The following MCF2L2 variants were observed in gnomAD, a reference collection of about 807,000 sequenced individuals.
The protein encoded by MCF2L2 is probable guanine nucleotide exchange factor MCF2L2.
A neutral mutation model predicts 150.2 loss-of-function variants in MCF2L2; 102 were observed. The observed-to-expected ratio is 0.68, with a 90% CI of 0.58 to 0.80. The LOEUF (loss-of-function observed/expected upper bound fraction) is 0.80, where lower values mean the gene tolerates loss of function less well. Ranked by LOEUF, MCF2L2 falls within the 30% of genes least tolerant of loss-of-function variation. The pLI is 0.00. For synonymous variants in MCF2L2, 465 were observed against 491.3 expected (o/e 0.95, Z 0.71); for missense variants, 1,256 against 1,372.8 (o/e 0.91, Z 1.34).
chr3:183,232,326 AACACCTTG>A (rs1302359502), intron 15 of MCF2L2, among the ~76,000 whole-genome samples: 2 of 152,206 alleles, frequency 1.3e-5, no homozygotes, highest in Non-Finnish European at 2.9e-5. Flanking sequence ...ACAGCCAGCC[AACACCTTG>A]ACTTTAGCCT....
chr3:183,337,832 T>G lies in MCF2L2; in HGVS notation c.486+968A>C, dbSNP rs149676595. On this transcript the variant is annotated intron_variant, in intron 5 of 29. Coordinates refer to ENST00000328913, the MANE Select transcript of MCF2L2 (RefSeq NM_015078.4). ...GGTGAAAGAGGGTGTACATTTGAAT[T>G]TTCTATAAATACTGATAATTAGTCC... 6.2e-3 allele frequency among the ~76,000 whole-genome samples: 941 copies of G among 152,292 alleles called. 10 individuals are homozygous for G. Among genetic ancestry groups the G allele is most frequent in the African/African-American group, 0.022 (911 of 41,552 alleles).
chr3:183,358,931 T>C (rs1711956343), intron 3 of MCF2L2, among the ~76,000 whole-genome samples: 1 of 151,828 alleles, frequency 6.6e-6, no homozygotes, highest in South Asian at 2.1e-4. Flanking sequence ...CCCAGAAATA[T>C]AAGAAAAGAT....
chr3:183,240,396 A>T (rs1723966282), intron 15 of MCF2L2, among the ~76,000 whole-genome samples: 1 of 152,086 alleles, frequency 6.6e-6, no homozygotes, highest in African/African-American at 2.4e-5. Flanking sequence ...TACCCAGCTA[A>T]ATTTTGTATT....
intron 3 of MCF2L2, among the ~76,000 whole-genome samples, chr3:183,346,222 A>C (rs1186574618): frequency 6.6e-6 from 1 of 152,206 alleles, no homozygotes; most frequent in African/African-American, 2.4e-5. Flanking sequence ...CTTATCCACC[A>C]CGATCAAGTC....
intron 22 of MCF2L2, among the ~76,000 whole-genome samples, chr3:183,214,472 A>C (rs1722840885): frequency 6.6e-6 from 1 of 152,190 alleles, no homozygotes. Context: ...AGGCCCAAGA[A>C]ATACCAGCGT....
At chr3:183,243,652 T>C (rs760023109) in intron 15 of MCF2L2, among the ~76,000 whole-genome samples, 13 of 152,202 alleles carry the variant, frequency 8.5e-5, no homozygotes, top group Non-Finnish European at 1.5e-4. Context: ...CCTCTATATA[T>C]GGTCAAAGGT....
chr3:183,224,755 G>A lies in MCF2L2; in HGVS notation c.2116-565C>T, dbSNP rs150363238. Reference sequence around the variant, plus strand: ...GGCAACCCTCAAAGTGACAGGCTCCGCCTCAAACATCACTTTCAACCTGCA... The same window carrying A: ...GGCAACCCTCAAAGTGACAGGCTCCACCTCAAACATCACTTTCAACCTGCA... On this transcript the variant is annotated intron_variant, in intron 18 of 29. Coordinates refer to ENST00000328913, the MANE Select transcript of MCF2L2 (RefSeq NM_015078.4). The A allele has an allele frequency of 5.6e-3, 848 of 152,596 alleles. 25 individuals carry two copies. The highest frequency in any genetic ancestry group is 0.046 in the Admixed American group (702 of 15,328). 9.5% of individuals were successfully genotyped at this position (152,596 alleles called of 1,614,324 possible).
chr3:183,370,904 G>C (rs1196590293), intron 3 of MCF2L2, among the ~76,000 whole-genome samples: 1 of 152,184 alleles, frequency 6.6e-6, no homozygotes, highest in Non-Finnish European at 1.5e-5. Flanking sequence ...TGAGGGCTCT[G>C]AAGCAAATCT....
Position 183,428,140 on chromosome 3 carries a change from C to G in MCF2L2, c.-163G>C. 4.9e-6 allele frequency: 3 copies of G among 607,248 alleles called. No homozygotes were observed. The South Asian group carries it at 5.9e-5, about 12-fold the overall frequency. 37.6% of individuals were successfully genotyped at this position (607,248 alleles called of 1,614,324 possible). A position where few individuals can be genotyped will look rare whatever the true frequency, so the allele number is the denominator to read the frequency against. The stretch of plus-strand genomic sequence containing the variant: ...GAGTCCCTCGCAGCCTAGGCCAGCT[C>G]TCCCTCGCCACGCCCCGCGGGGGCT... On this transcript the variant is annotated 5_prime_UTR_variant, in exon 1 of 30. Coordinates refer to ENST00000328913, the MANE Select transcript of MCF2L2 (RefSeq NM_015078.4). The surrounding 1 kb of genome is among the most constrained non-coding windows in gnomAD (Gnocchi z 5.1).
intron 2 of MCF2L2, among the ~76,000 whole-genome samples, chr3:183,380,751 G>C (rs1011901118): frequency 1.4e-4 from 21 of 152,178 alleles, no homozygotes; most frequent in African/African-American, 5.1e-4. Context: ...CTTGCAGATG[G>C]TGTTGCATCT....
chr3:183,249,751 C>T (rs1724430294), intron 15 of MCF2L2, among the ~76,000 whole-genome samples: 1 of 152,144 alleles, frequency 6.6e-6, no homozygotes, highest in African/African-American at 2.4e-5. Flanking sequence ...AGCTTTTGGG[C>T]CTTGGTGGCA....
chr3:183,241,107 G>A (rs1371526612), intron 15 of MCF2L2, among the ~76,000 whole-genome samples: 13 of 152,228 alleles, frequency 8.5e-5, no homozygotes, highest in Admixed American at 8.5e-4. Flanking sequence ...GAAAAGTCAG[G>A]TGCAGAGGAG....
At position 183,216,574 on chromosome 3, in the gene MCF2L2, ATATATATTTTTTTTTTTTTTTT is replaced by A. The variant is rs1482904232; in HGVS notation, c.2371-502_2371-481del. ...ATATTATATATATATATATATATAT[ATATATATTTTTTTTTTTTTTTT>A]TTTTTTTTTTTTTTTTTTTTGAGAG... is the stretch of plus-strand genomic sequence containing the variant. On this transcript the variant is annotated intron_variant, in intron 21 of 29. Transcript: ENST00000328913. Among the ~76,000 whole-genome samples, 37 of 54,448 alleles carry A rather than the reference ATATATATTTTTTTTTTTTTTTT, an allele frequency of 6.8e-4. 2 individuals carry two copies. Among genetic ancestry groups the A allele is most frequent in the East Asian group, 4.8e-3 (14 of 2,898 alleles). The allele number at this position is 54,448 out of a possible 152,430, so 35.7% of individuals were successfully genotyped here.
Position 183,428,302 on chromosome 3 carries a change from G to A in MCF2L2, c.-325C>T, listed in dbSNP as rs960620055. On this transcript the variant is annotated 5_prime_UTR_variant, in exon 1 of 30. Transcript: ENST00000328913. The surrounding 1 kb of genome is among the most constrained non-coding windows in gnomAD (Gnocchi z 5.1). The stretch of plus-strand genomic sequence containing the variant: ...CTCCTCCGGCCGGGCGAGCTCCGGG[G>A]CTTCCAGAATCGCGGTCCCGGCCGC... 1.6e-5 allele frequency: 5 copies of A among 315,478 alleles called. No individual in the cohort carries two copies. The highest frequency in any genetic ancestry group is 1.5e-4 in the Admixed American group (3 of 19,488). The allele number at this position is 315,478 out of a possible 1,614,324, so 19.5% of individuals were successfully genotyped here. A position where few individuals can be genotyped will look rare whatever the true frequency, so the allele number is the denominator to read the frequency against.
At chr3:183,312,441 T>G (rs1729420844) in intron 7 of MCF2L2, among the ~76,000 whole-genome samples, 1 of 152,222 alleles carries the variant, frequency 6.6e-6, no homozygotes, top group African/African-American at 2.4e-5. Context: ...CAGGTCATCA[T>G]TCGTTGCCCT....
chr3:183,410,970 C>T (rs1422190113), intron 1 of MCF2L2, among the ~76,000 whole-genome samples: 1 of 152,154 alleles, frequency 6.6e-6, no homozygotes, highest in Non-Finnish European at 1.5e-5. Context: ...TGACTGTGCA[C>T]CTTGCTGATG....
intron 15 of MCF2L2, chr3:183,271,389 A>G (rs1408763647): frequency 6.0e-6 from 1 of 167,896 alleles, no homozygotes; most frequent in Non-Finnish European, 1.5e-5. Flanking sequence ...GGGGCAGGGA[A>G]AGGTCAGCAT....
intron 21 of MCF2L2, 110 bp from the exon 22 acceptor site, chr3:183,216,204 A>G: frequency 8.6e-7 from 1 of 1,157,540 alleles, no homozygotes; most frequent in Non-Finnish European, 1.2e-6. Flanking sequence ...CCTGACTGAG[A>G]AGGGTGGATA....
chr3:183,211,715 T>C (rs905045450), intron 22 of MCF2L2, among the ~76,000 whole-genome samples: 11 of 152,256 alleles, frequency 7.2e-5, no homozygotes. Context: ...CAGATACGTG[T>C]TCACCAGTAT....
Sources: gnomAD v4.1 joint callset for allele counts (sites outside exome capture counted in the v4.1 genomes callset) on GRCh38, gnomAD v4.1.1 for gene constraint, Gnocchi (gnomAD v3.1) non-coding constraint, MANE v1.5 for transcripts, NCBI Gene and HGNC (gene_info 2026-07-23, HGNC 2026-07-21) for gene names.